TRHDE: variants seen among roughly 807,000 people sequenced by gnomAD.
TRHDE encodes thyrotropin releasing hormone degrading enzyme.
Under a neutral mutation model 125.7 loss-of-function variants are expected in TRHDE, and 72 were observed. The ratio of observed to expected loss-of-function variants is 0.57; its 90% CI spans 0.47 to 0.70. TRHDE has a LOEUF of 0.70. TRHDE is among the 30% of genes least tolerant of loss of function. The probability of loss-of-function intolerance (pLI) is 0.00; values close to 1 mark genes in which losing one functional copy is unlikely to be tolerated. For synonymous variants in TRHDE, 509 were observed against 509.1 expected (o/e 1.00, Z 0.00); for missense variants, 1,110 against 1,327.1 (o/e 0.84, Z 2.54).
At chr12:72,128,106 A>G (rs1371952009) in intron 2 of TRHDE, among the ~76,000 whole-genome samples, 1 of 152,152 alleles carries the variant, frequency 6.6e-6, no homozygotes, top group Non-Finnish European at 1.5e-5. Context: ...ATTACCTGAG[A>G]CCAGAGAAAG....
chr12:72,152,326 A>G (rs1431437172), intron 2 of TRHDE, among the ~76,000 whole-genome samples: 3 of 151,792 alleles, frequency 2.0e-5, no homozygotes, highest in East Asian at 1.9e-4. Flanking sequence ...TAGATATACA[A>G]TCATGTCATC....
At position 72,087,994 on chromosome 12, in the gene TRHDE, G is replaced by A. The variant is rs191946744; in HGVS notation, n.174+555G>A. On this transcript the variant is annotated intron_variant and non_coding_transcript_variant, in intron 1 of 4. Transcript: ENST00000548156. Reference sequence around the variant, plus strand: ...AGTCAAGGAGGTATCCAAAGGAAAGGAAATTGAGGGTTCAGGATTTGGAGG... The same window carrying A: ...AGTCAAGGAGGTATCCAAAGGAAAGAAAATTGAGGGTTCAGGATTTGGAGG... Among the ~76,000 whole-genome samples the A allele has an allele frequency of 2.9e-3, 443 of 152,212 alleles. 1 individual carries two copies. Among genetic ancestry groups the A allele is most frequent in the Non-Finnish European group, 5.1e-3 (344 of 68,008 alleles).
At chr12:72,206,172 C>T (rs964921665) in intron 2 of TRHDE, among the ~76,000 whole-genome samples, 3 of 151,580 alleles carry the variant, frequency 2.0e-5, no homozygotes, top group African/African-American at 2.4e-5. Flanking sequence ...CTGCAACGTC[C>T]GCCTCCTGGG....
intron 2 of TRHDE, among the ~76,000 whole-genome samples, chr12:72,235,385 A>C (rs1397784271): frequency 1.3e-5 from 2 of 152,222 alleles, no homozygotes; most frequent in Non-Finnish European, 2.9e-5. Flanking sequence ...GGCATGATTT[A>C]AATAACTTGT....
At chr12:72,385,265 G>C (rs544830758) in intron 3 of TRHDE, among the ~76,000 whole-genome samples, 22 of 151,790 alleles carry the variant, frequency 1.4e-4, no homozygotes, top group African/African-American at 5.3e-4. Flanking sequence ...CTTATACTCA[G>C]CTATTGTATG....
intron 2 of TRHDE, among the ~76,000 whole-genome samples, chr12:72,122,605 A>G (rs993908272): frequency 6.6e-6 from 1 of 152,158 alleles, no homozygotes; most frequent in Non-Finnish European, 1.5e-5. Flanking sequence ...TTAGTAAAGA[A>G]GGTAACTTTT....
At chr12:72,636,200 C>T (rs1222965160) in intron 15 of TRHDE, among the ~76,000 whole-genome samples, 1 of 152,004 alleles carries the variant, frequency 6.6e-6, no homozygotes, top group Non-Finnish European at 1.5e-5. Context: ...TTGTAGTTCT[C>T]CTTGAAGAGG....
At chr12:72,395,361 A>T (rs1872749372) in intron 3 of TRHDE, among the ~76,000 whole-genome samples, 2 of 152,026 alleles carry the variant, frequency 1.3e-5, no homozygotes, top group African/African-American at 4.8e-5. Context: ...CCCCCCATTC[A>T]GTTCACAGTC....
intron 2 of TRHDE, among the ~76,000 whole-genome samples, chr12:72,113,823 A>G (rs1174981097): frequency 6.6e-6 from 1 of 152,040 alleles, no homozygotes. Flanking sequence ...TAAACAAGCT[A>G]TTACCTTGAA....
intron 2 of TRHDE, among the ~76,000 whole-genome samples, chr12:72,190,309 A>C (rs1378069477): frequency 6.6e-6 from 1 of 152,258 alleles, no homozygotes; most frequent in Non-Finnish European, 1.5e-5. Context: ...AAAAAGTTCA[A>C]GTCTGGCTTA....
chr12:72,555,038 CA>C (rs1467261275), intron 7 of TRHDE, among the ~76,000 whole-genome samples: 13 of 152,206 alleles, frequency 8.5e-5, no homozygotes, highest in African/African-American at 3.1e-4. Flanking sequence ...GAAAAACTTT[CA>C]TGAGCTGGCA....
At chr12:72,261,429 C>T (rs887785665) in intron 2 of TRHDE, among the ~76,000 whole-genome samples, 6 of 152,196 alleles carry the variant, frequency 3.9e-5, no homozygotes, top group South Asian at 2.1e-4. Context: ...TGGCAGAGAC[C>T]TATTTTGAGG....
intron 2 of TRHDE, among the ~76,000 whole-genome samples, chr12:72,191,185 T>C (rs1290058100): frequency 6.6e-6 from 1 of 152,204 alleles, no homozygotes; most frequent in Non-Finnish European, 1.5e-5. Flanking sequence ...TATAGAATTC[T>C]TAGTGGGCTC....
rs182410140 is a variant in TRHDE, at chr12:72,641,689, G to A, written c.2676-10633G>A. ...ATTAGTTGAGTTCAGATTTTCTACC[G>A]CAAAGCAATGAAAACATTCACAGCA... On this transcript the variant is annotated intron_variant, in intron 15 of 18. Transcript: ENST00000261180. Among the ~76,000 whole-genome samples the A allele has an allele frequency of 1.9e-3, 294 of 152,136 alleles. 1 individual carries two copies. The highest frequency in any genetic ancestry group is 6.0e-3 in the African/African-American group (251 of 41,494).
rs535290343 is a variant in TRHDE, at chr12:72,208,616, A to AT, written n.279+102871dup. 9.2e-5 allele frequency among the ~76,000 whole-genome samples: 14 copies of AT among 152,136 alleles called. No homozygotes were observed. In the East Asian group the frequency reaches 2.5e-3, roughly 27 times the overall value. On this transcript the variant is annotated intron_variant and non_coding_transcript_variant, in intron 2 of 4. Coordinates refer to the TRHDE transcript ENST00000548156. Reference sequence around the variant, plus strand: ...TAAGTTACTAAAATCCTCTGCATCTATTTTTTTCTGATCTGCAAATTGGGA... The same window carrying AT: ...TAAGTTACTAAAATCCTCTGCATCTATTTTTTTTCTGATCTGCAAATTGGGA...
chr12:72,541,387 C>G (rs1000700945), intron 6 of TRHDE, among the ~76,000 whole-genome samples: 12 of 151,536 alleles, frequency 7.9e-5, no homozygotes, highest in Admixed American at 4.6e-4. Context: ...TGATTACGTA[C>G]CTACCTTTTG....
intron 2 of TRHDE, among the ~76,000 whole-genome samples, chr12:72,225,194 T>C (rs1255497189): frequency 6.6e-6 from 1 of 152,176 alleles, no homozygotes; most frequent in Non-Finnish European, 1.5e-5. Flanking sequence ...CTAGTGATCA[T>C]GTTGAATTAC....
At chr12:72,541,989 A>C (rs1338021051) in intron 6 of TRHDE, among the ~76,000 whole-genome samples, 2 of 151,432 alleles carry the variant, frequency 1.3e-5, no homozygotes, top group African/African-American at 2.4e-5. Context: ...TAAATTTGTC[A>C]TATATAGTGT....
chr12:72,244,622 A>C (rs7966724), intron 2 of TRHDE, among the ~76,000 whole-genome samples: 118,442 of 151,844 alleles, frequency 0.78, 46,943 homozygotes, highest in Non-Finnish European at 0.86. Flanking sequence ...CATTGCCATA[A>C]TTAATGTCCC....
Sources: gnomAD v4.1 joint callset for allele counts (sites outside exome capture counted in the v4.1 genomes callset) on GRCh38, gnomAD v4.1.1 for gene constraint, MANE v1.5 for transcripts, NCBI Gene and HGNC (gene_info 2026-07-23, HGNC 2026-07-21) for gene names.